SUMF1: variants seen among roughly 807,000 people sequenced by gnomAD.
The protein encoded by SUMF1 is sulfatase modifying factor 1.
In SUMF1, 48 loss-of-function variants were observed where a neutral mutation model predicts 47.6. That is an observed-to-expected ratio of 1.01 (90% CI 0.80 to 1.28). The LOEUF (loss-of-function observed/expected upper bound fraction) is 1.28, where lower values mean the gene tolerates loss of function less well. Among genes scored for constraint, SUMF1 ranks in the 50% most tolerant of loss-of-function variants. The pLI, the probability that SUMF1 is intolerant of heterozygous loss-of-function variation, is 0.00. For missense variants in SUMF1, 571 were observed against 485.4 expected (o/e 1.18, Z -1.66); for synonymous variants, 230 against 192.1 (o/e 1.20, Z -1.63).
At chr3:4,088,738 CAT>C (rs1436225165) in intron 8 of SUMF1, among the ~76,000 whole-genome samples, 1 of 152,078 alleles carries the variant, frequency 6.6e-6, no homozygotes, top group African/African-American at 2.4e-5. Context: ...CTTTATTGCA[CAT>C]AGTTTCTTCC....
chr3:4,449,362 A>G lies in SUMF1; in HGVS notation c.445-22T>C, dbSNP rs711634. On this transcript the variant is annotated intron_variant, in intron 2 of 8. Coordinates refer to ENST00000272902, the MANE Select transcript of SUMF1 (RefSeq NM_182760.4). ...CAGCCTATAAGGAAGGTAGGAAATA[A>G]AAATCCAGAAAAGGTTGTAGTAATG... 71,379 of 1,613,000 alleles carry G rather than the reference A, an allele frequency of 0.044. 1,875 individuals are homozygous for G. The highest frequency in any genetic ancestry group is 0.053 in the Non-Finnish European group (62,730 of 1,178,984).
At chr3:4,242,372 T>C (rs1696557337) in intron 8 of SUMF1, among the ~76,000 whole-genome samples, 1 of 152,176 alleles carries the variant, frequency 6.6e-6, no homozygotes, top group Non-Finnish European at 1.5e-5. Flanking sequence ...GAGGGAATGC[T>C]TCCAGCTTTT....
chr3:4,314,692 A>G (rs1329453088), intron 8 of SUMF1, among the ~76,000 whole-genome samples: 2 of 152,178 alleles, frequency 1.3e-5, no homozygotes, highest in Admixed American at 6.5e-5. Context: ...ACAGAAGGAG[A>G]CGGGAGTTTT....
At chr3:4,230,925 C>G (rs1205554074) in intron 8 of SUMF1, among the ~76,000 whole-genome samples, 1 of 152,062 alleles carries the variant, frequency 6.6e-6, no homozygotes, top group African/African-American at 2.4e-5. Context: ...CCAAAAGTTA[C>G]CTTACCACAA....
intron 8 of SUMF1, among the ~76,000 whole-genome samples, chr3:4,189,639 T>C (rs941341238): frequency 6.6e-6 from 1 of 152,128 alleles, no homozygotes; most frequent in Non-Finnish European, 1.5e-5. Context: ...AGTTAAAATA[T>C]AAAAAGTAGG....
intron 8 of SUMF1, among the ~76,000 whole-genome samples, chr3:4,222,634 C>T (rs1199721936): frequency 6.6e-6 from 1 of 152,070 alleles, no homozygotes; most frequent in Non-Finnish European, 1.5e-5. Flanking sequence ...ACCAAGTGCA[C>T]TTCCAAGGGT....
rs542832488 is a variant in SUMF1, at chr3:4,137,028, T to A, written c.1015-68283A>T. Among the ~76,000 whole-genome samples the A allele has an allele frequency of 1.1e-4, 17 of 152,210 alleles. No individual in the cohort carries two copies. The East Asian group carries it at 3.3e-3, about 29-fold the overall frequency. On this transcript the variant is annotated intron_variant and NMD_transcript_variant, in intron 8 of 12. Coordinates refer to the SUMF1 transcript ENST00000448413. ...AACACTTTTACACTGTTGGTGGGAC[T>A]GTAAACTAGTTCAACCATTGTGGAA...
chr3:4,158,318 T>G (rs901358700), intron 8 of SUMF1, among the ~76,000 whole-genome samples: 4 of 151,664 alleles, frequency 2.6e-5, no homozygotes, highest in African/African-American at 9.8e-5. Flanking sequence ...ATACTTGATA[T>G]GATTTCAATT....
At chr3:4,417,840 T>C (rs1283876852) in intron 5 of SUMF1, among the ~76,000 whole-genome samples, 170 bp downstream of exon 5, 6 of 152,188 alleles carry the variant, frequency 3.9e-5, no homozygotes, top group Non-Finnish European at 8.8e-5. Flanking sequence ...TGATAAAAGA[T>C]TTGTGACCCA....
intron 3 of SUMF1, among the ~76,000 whole-genome samples, chr3:4,423,772 C>T (rs187541061): frequency 7.6e-4 from 115 of 152,228 alleles, no homozygotes; most frequent in Non-Finnish European, 1.4e-3. Flanking sequence ...GGGCAGAACC[C>T]TTATGAATTG....
At chr3:4,265,113 G>A (rs1197539338) in intron 8 of SUMF1, among the ~76,000 whole-genome samples, 4 of 147,624 alleles carry the variant, frequency 2.7e-5, no homozygotes, top group Non-Finnish European at 6.0e-5. Context: ...CTCCAGACTG[G>A]GTGACAGAGC....
intron 8 of SUMF1, among the ~76,000 whole-genome samples, chr3:4,126,524 G>A (rs1005906582): frequency 5.9e-5 from 9 of 151,974 alleles, no homozygotes; most frequent in African/African-American, 2.2e-4. Flanking sequence ...TTCATCCTTA[G>A]TTAATAAGAT....
chr3:4,263,066 T>A (rs147806547), intron 8 of SUMF1, among the ~76,000 whole-genome samples: 1 of 152,082 alleles, frequency 6.6e-6, no homozygotes, highest in Non-Finnish European at 1.5e-5. Context: ...AATGGGGGTG[T>A]AGGGCATGGG....
intron 8 of SUMF1, among the ~76,000 whole-genome samples, chr3:4,237,862 T>C (rs567943523): frequency 6.6e-6 from 1 of 152,186 alleles, no homozygotes; most frequent in Non-Finnish European, 1.5e-5. Flanking sequence ...ACATGTGCCA[T>C]GGTGATTTGC....
intron 2 of SUMF1, among the ~76,000 whole-genome samples, chr3:4,449,828 T>C (rs1702910160): frequency 6.6e-6 from 1 of 152,238 alleles, no homozygotes; most frequent in Non-Finnish European, 1.5e-5. Flanking sequence ...AATGGAAATC[T>C]GTATTTTAAT....
At chr3:4,350,632 A>T (rs1699479625) in intron 8 of SUMF1, among the ~76,000 whole-genome samples, 3 of 152,150 alleles carry the variant, frequency 2.0e-5, no homozygotes. Context: ...TTTCAAAGAA[A>T]CTTGATAAAT....
At chr3:4,177,487 C>T (rs571349709) in intron 8 of SUMF1, among the ~76,000 whole-genome samples, 1 of 152,032 alleles carries the variant, frequency 6.6e-6, no homozygotes, top group Non-Finnish European at 1.5e-5. Context: ...TTCTTTGAAA[C>T]CAATGAGAAC....
intron 1 of SUMF1, among the ~76,000 whole-genome samples, chr3:4,466,397 C>A (rs1451759238): frequency 2.0e-5 from 3 of 151,778 alleles, no homozygotes; most frequent in African/African-American, 7.3e-5. Flanking sequence ...GGCATGTGAG[C>A]CACCGCGCCC....
rs1482204481 is a variant in SUMF1, at chr3:4,463,690, C to T, written c.270+3286G>A. Among the ~76,000 whole-genome samples the T allele has an allele frequency of 4.6e-5, 7 of 152,300 alleles. No homozygotes were observed. In the East Asian group the frequency reaches 1.2e-3, roughly 25 times the overall value. ...CCAGGGAAGCATTACCAGTCAGAAA[C>T]CTCCTCAGACAGGAAATCAAGACTG... On this transcript the variant is annotated intron_variant, in intron 1 of 8. Transcript: ENST00000272902.
Sources: allele counts gnomAD v4.1 joint callset (sites outside exome capture counted in the v4.1 genomes callset), GRCh38; gene constraint gnomAD v4.1.1; transcripts MANE v1.5; gene names NCBI Gene and HGNC (gene_info 2026-07-23, HGNC 2026-07-21).